PRELID2: variants seen among roughly 807,000 people sequenced by gnomAD.
PRELID2 encodes PRELI domain-containing protein 2.
PRELID2 carries 25 observed loss-of-function variants against 28.4 expected under a neutral mutation model. The observed-to-expected ratio is 0.88, with a 90% CI of 0.64 to 1.23. The LOEUF (loss-of-function observed/expected upper bound fraction) is 1.23. PRELID2 is among the 50% of genes most tolerant of loss of function. The pLI, the probability that PRELID2 is intolerant of heterozygous loss-of-function variation, is 0.00. For missense variants in PRELID2, 201 were observed against 214.4 expected, an observed-to-expected ratio of 0.94 and a Z score of 0.39; for synonymous variants, 76 against 71.6, an observed-to-expected ratio of 1.06 and a Z score of -0.31.
At chr5:145,313,738 C>T in the PRELID2 span, among the ~76,000 whole-genome samples, 1 of 152,150 alleles carries the variant, frequency 6.6e-6, no homozygotes, top group African/African-American at 2.4e-5. Flanking sequence ...TCTTTCCCAT[C>T]CCTCACTTCC....
the PRELID2 span, among the ~76,000 whole-genome samples, chr5:145,248,695 G>C: frequency 6.6e-6 from 1 of 152,114 alleles, no homozygotes; most frequent in South Asian, 2.1e-4. Flanking sequence ...TACTTGGGAG[G>C]CTGAGGCAGG....
chr5:145,235,564 C>A, the PRELID2 span, among the ~76,000 whole-genome samples: 2 of 152,242 alleles, frequency 1.3e-5, no homozygotes, highest in African/African-American at 4.8e-5. Flanking sequence ...TTAATGAGAA[C>A]AATGTGTCTG....
At chr5:145,416,844 T>C in the PRELID2 span, among the ~76,000 whole-genome samples, 4 of 151,708 alleles carry the variant, frequency 2.6e-5, no homozygotes, top group African/African-American at 9.7e-5. Flanking sequence ...AGAAAATCAG[T>C]GAATCCAGCT....
the PRELID2 span, among the ~76,000 whole-genome samples, chr5:145,283,153 A>C: frequency 6.6e-5 from 10 of 152,158 alleles, no homozygotes; most frequent in Admixed American, 1.3e-4. Context: ...TGGAATGAGG[A>C]AGTCAAAACC....
At chr5:145,654,160 A>T (rs1754349344) in intron 1 of PRELID2, among the ~76,000 whole-genome samples, 1 of 152,254 alleles carries the variant, frequency 6.6e-6, no homozygotes, top group Non-Finnish European at 1.5e-5. Context: ...AGAAATGGAT[A>T]AATTCCTGGA....
chr5:145,230,669 A>T, the PRELID2 span, among the ~76,000 whole-genome samples: 1 of 152,182 alleles, frequency 6.6e-6, no homozygotes, highest in Non-Finnish European at 1.5e-5. Context: ...AAAAAGAAAA[A>T]TCATGGGTTA....
the PRELID2 span, among the ~76,000 whole-genome samples, chr5:145,295,761 G>A: frequency 6.6e-6 from 1 of 152,072 alleles, no homozygotes; most frequent in Non-Finnish European, 1.5e-5. Context: ...CAGCTATGAA[G>A]GCAGAGACCT....
At chr5:145,767,326 T>A (rs922610761) in intron 5 of PRELID2, among the ~76,000 whole-genome samples, 2 of 151,906 alleles carry the variant, frequency 1.3e-5, no homozygotes, top group Admixed American at 6.6e-5. Context: ...TTCTACTCCA[T>A]CCCCTTTCCA....
the PRELID2 span, among the ~76,000 whole-genome samples, chr5:145,376,311 G>T: frequency 3.3e-5 from 5 of 152,238 alleles, no homozygotes; most frequent in African/African-American, 7.2e-5. Flanking sequence ...TTTCATTGAA[G>T]ATTTTTTCAT....
intron 5 of PRELID2, among the ~76,000 whole-genome samples, chr5:145,765,650 A>G (rs1757702799): frequency 6.6e-6 from 1 of 152,152 alleles, no homozygotes; most frequent in Admixed American, 6.5e-5. Flanking sequence ...TCCCCAAGGG[A>G]TCAGCTAAGA....
the PRELID2 span, among the ~76,000 whole-genome samples, chr5:145,398,436 C>T: frequency 6.6e-6 from 1 of 152,082 alleles, no homozygotes; most frequent in South Asian, 2.1e-4. Context: ...GCCTCCCCTA[C>T]CTCCCCTGTT....
At chr5:145,343,457 G>A in the PRELID2 span, among the ~76,000 whole-genome samples, 384 of 150,842 alleles carry the variant, frequency 2.5e-3, no homozygotes, top group African/African-American at 7.6e-3. Context: ...AAAACAAAAA[G>A]TTTATTAAAA....
chr5:145,577,039 A>G (rs1159110522), intron 1 of PRELID2, among the ~76,000 whole-genome samples: 2 of 152,154 alleles, frequency 1.3e-5, no homozygotes, highest in Non-Finnish European at 2.9e-5. Context: ...CAACAGACAC[A>G]GTGGTTCCAG....
the PRELID2 span, among the ~76,000 whole-genome samples, chr5:145,410,468 T>C: frequency 6.6e-6 from 1 of 152,188 alleles, no homozygotes; most frequent in Non-Finnish European, 1.5e-5. Flanking sequence ...GGATAATTTA[T>C]TTAAAAAAAC....
Position 145,563,799 on chromosome 5 carries a change from CAA to C in PRELID2, n.71-90486_71-90485del, listed in dbSNP as rs768501382. On this transcript the variant is annotated intron_variant and non_coding_transcript_variant, in intron 1 of 2. Transcript: ENST00000510259. ...GTAGAACAAATGAGGAGGTGTTGGT[CAA>C]AGAGTATAAAGTTATAGTTACATAC... Among the ~76,000 whole-genome samples, 5 of 152,208 alleles carry C rather than the reference CAA, an allele frequency of 3.3e-5. No homozygotes were observed. In the East Asian group the frequency reaches 9.7e-4, roughly 29 times the overall value.
At chr5:145,567,642 T>G (rs1037199166) in intron 1 of PRELID2, among the ~76,000 whole-genome samples, 18 of 152,308 alleles carry the variant, frequency 1.2e-4, no homozygotes, top group African/African-American at 4.3e-4. Flanking sequence ...CCTCCCAAAG[T>G]GCTGGGATTA....
chr5:145,697,078 TATAC>T (rs1554084258), intron 1 of PRELID2, among the ~76,000 whole-genome samples: 13 of 98,908 alleles, frequency 1.3e-4, no homozygotes, highest in African/African-American at 3.0e-4. Flanking sequence ...TATATATATA[TATAC>T]ACACACACAC....
chr5:145,429,162 T>C, the PRELID2 span, among the ~76,000 whole-genome samples: 1 of 152,004 alleles, frequency 6.6e-6, no homozygotes, highest in African/African-American at 2.4e-5. Context: ...GAAGCAAGGA[T>C]AGAGATGGGA....
chr5:145,415,387 C>T, the PRELID2 span, among the ~76,000 whole-genome samples: 662 of 151,216 alleles, frequency 4.4e-3, 3 homozygotes, highest in African/African-American at 0.015. Context: ...ACCCATTAAC[C>T]CATCATTTAG....
Sources: allele counts gnomAD v4.1 joint callset (sites outside exome capture counted in the v4.1 genomes callset), GRCh38; gene constraint gnomAD v4.1.1; transcripts MANE v1.5; gene names NCBI Gene and HGNC (gene_info 2026-07-23, HGNC 2026-07-21).